FCF1: variants seen among roughly 807,000 people sequenced by gnomAD.
FCF1 encodes FCF1 rRNA-processing protein, also known as rRNA-processing protein FCF1 homolog.
Under a neutral mutation model 32.5 loss-of-function variants are expected in FCF1, and 17 were observed. That is an observed-to-expected ratio of 0.52 (90% CI 0.36 to 0.78). The LOEUF (loss-of-function observed/expected upper bound fraction) is 0.78. Among genes scored for constraint, FCF1 ranks in the 30% least tolerant of loss-of-function variants. The pLI is 0.00. For missense variants in FCF1, 201 were observed against 241.1 expected (o/e 0.83, Z 1.10); for synonymous variants, 84 against 78.4 (o/e 1.07, Z -0.38).
chr14:74,716,111 A>C lies in FCF1; in HGVS notation c.292+12A>C. ...TCTGTATGCCAAGTGTGAGTATCAT[A>C]CTTTTATGTTTCCGTGACATTTGTT... On this transcript the variant is annotated intron_variant, in intron 4 of 7. Transcript: ENST00000341162. The C allele has an allele frequency of 6.2e-7, 1 of 1,610,884 alleles. No homozygotes were observed. The highest frequency in any genetic ancestry group is 8.5e-7 in the Non-Finnish European group (1 of 1,177,254).
intron 4 of FCF1, among the ~76,000 whole-genome samples, chr14:74,716,427 ATTC>A (rs1219394042): frequency 1.3e-5 from 2 of 152,212 alleles, no homozygotes; most frequent in Admixed American, 6.5e-5. Context: ...CAGTATCTAT[ATTC>A]TTTTATGTTA....
At chr14:74,724,480 C>G (rs764040393) in intron 5 of FCF1, among the ~76,000 whole-genome samples, 2 of 152,160 alleles carry the variant, frequency 1.3e-5, no homozygotes, top group Non-Finnish European at 2.9e-5. Context: ...GAGATGAGGT[C>G]TCACCATGTT....
chr14:74,725,675 C>A (rs923459846), intron 5 of FCF1, among the ~76,000 whole-genome samples: 1 of 152,012 alleles, frequency 6.6e-6, no homozygotes, highest in African/African-American at 2.4e-5. Flanking sequence ...TGGCTCACGC[C>A]TGTAATCCCA....
chr14:74,728,193 G>A (rs550690996), intron 5 of FCF1, among the ~76,000 whole-genome samples: 118 of 152,230 alleles, frequency 7.8e-4, no homozygotes, highest in African/African-American at 2.6e-3. Context: ...ATTACCTTGG[G>A]CAGTATGGCC....
Position 74,732,833 on chromosome 14 carries a change from T to A in FCF1, c.453+15T>A. The A allele has an allele frequency of 3.4e-6, 5 of 1,489,558 alleles. No homozygotes were observed. The highest frequency in any genetic ancestry group is 4.6e-6 in the Non-Finnish European group (5 of 1,079,554). The allele number at this position is 1,489,558 out of a possible 1,614,324, so 92.3% of individuals were successfully genotyped here. A position where few individuals can be genotyped will look rare whatever the true frequency, so the allele number is the denominator to read the frequency against. On this transcript the variant is annotated intron_variant, in intron 6 of 7. Transcript: ENST00000341162. Reference sequence around the variant, plus strand: ...GAGTAACTCAGGTATTATCAGTTCATAACTGTTTACTTTGTGCTTAAAAAA... The same window carrying A: ...GAGTAACTCAGGTATTATCAGTTCAAAACTGTTTACTTTGTGCTTAAAAAA...
chr14:74,731,162 AGAAT>A (rs1223378502), intron 5 of FCF1, among the ~76,000 whole-genome samples: 15 of 152,352 alleles, frequency 9.8e-5, no homozygotes, highest in African/African-American at 3.1e-4. Context: ...ATAAAAATAA[AGAAT>A]GAGAGGGGAA....
At position 74,714,937 on chromosome 14, in the gene FCF1, G is replaced by A. The variant is rs1375251590; in HGVS notation, c.137G>A (p.Arg46Lys). 1.3e-6 allele frequency: 2 copies of A among 1,595,386 alleles called. No homozygotes were observed. The highest frequency in any genetic ancestry group is 2.7e-5 in the African/African-American group (2 of 73,876). The change falls in exon 3 of 8, where the codon AGA becomes AAA. Residue 46 changes from arginine (R) to lysine (K), a missense_variant. Arg to Lys is a conservative substitution (Grantham distance 26). Transcript: ENST00000341162. ...EKKDPSALKE[R>K]EVPQHPSCLF... is the part of the protein sequence containing the mutation. Reference sequence around the variant, plus strand: ...AAGGATCCCAGCGCATTAAAGGAAAGAGAAGTGTGAGTAATCAAACGTTTG... The same window carrying A: ...AAGGATCCCAGCGCATTAAAGGAAAAAGAAGTGTGAGTAATCAAACGTTTG...
rs367728211 is a variant in FCF1, at chr14:74,714,954, A to G, written c.143+11A>G. On this transcript the variant is annotated intron_variant, in intron 3 of 7. Coordinates refer to ENST00000341162, the MANE Select transcript of FCF1 (RefSeq NM_015962.5). The stretch of plus-strand genomic sequence containing the variant: ...AAAGGAAAGAGAAGTGTGAGTAATC[A>G]AACGTTTGAAGTTTTCCTTTAAAAC... 2.5e-6 allele frequency: 4 copies of G among 1,581,222 alleles called. No homozygotes were observed. In the African/African-American group the frequency reaches 5.5e-5, roughly 22 times the overall value.
intron 3 of FCF1, 127 bp from the exon 4 acceptor site, chr14:74,715,824 T>G (rs1368853697): frequency 6.3e-7 from 1 of 1,598,910 alleles, no homozygotes; most frequent in Non-Finnish European, 8.5e-7. Flanking sequence ...TTTTTAGGAT[T>G]TATTTCCAAT....
intron 5 of FCF1, among the ~76,000 whole-genome samples, chr14:74,731,265 G>A (rs1213566518): frequency 6.6e-6 from 1 of 152,158 alleles, no homozygotes; most frequent in African/African-American, 2.4e-5. Context: ...TAGGTAAAAA[G>A]ATTTTTTTGT....
chr14:74,734,843 C>G (rs756854095), intron 7 of FCF1, 39 bp from the exon 8 acceptor site: 1 of 1,583,222 alleles, frequency 6.3e-7, no homozygotes, highest in South Asian at 1.1e-5. Flanking sequence ...GGTTCTCTTC[C>G]CATCTTTCTT....
Position 74,731,317 on chromosome 14 carries a change from A to G in FCF1, c.366-1414A>G, listed in dbSNP as rs547992734. 2.4e-4 allele frequency among the ~76,000 whole-genome samples: 36 copies of G among 152,294 alleles called. No homozygotes were observed. In the South Asian group the frequency reaches 7.3e-3, roughly 31 times the overall value. The stretch of plus-strand genomic sequence containing the variant: ...TATGACAGCATGTTAGTATGTTTCT[A>G]GGAAAGAGCTAGTAGAGAGGAGACA... On this transcript the variant is annotated intron_variant, in intron 5 of 7. Transcript: ENST00000341162.
At chr14:74,733,881 A>C (rs547702720) in intron 6 of FCF1, among the ~76,000 whole-genome samples, 195 bp from the exon 7 acceptor site, 10 of 152,256 alleles carry the variant, frequency 6.6e-5, no homozygotes, top group Admixed American at 3.9e-4. Context: ...AGCCCAGGCA[A>C]CTTGTTTATT....
rs564176889 is a variant in FCF1 at position 74,734,761 on chromosome 14, G to A, written c.549-121G>A. 12 of 747,320 alleles carry A rather than the reference G, an allele frequency of 1.6e-5. No individual in the cohort carries two copies. The African/African-American group carries it at 1.8e-4, about 11-fold the overall frequency. 46.3% of individuals were successfully genotyped at this position (747,320 alleles called of 1,614,324 possible). ...ATTCATTATGATGTTCCCCTAAATT[G>A]TTTCCACTGACAAAAAGGATTCACA... is the stretch of plus-strand genomic sequence containing the variant. On this transcript the variant is annotated intron_variant, in intron 7 of 7. Coordinates refer to ENST00000341162, the MANE Select transcript of FCF1 (RefSeq NM_015962.5).
intron 4 of FCF1, among the ~76,000 whole-genome samples, chr14:74,719,143 A>G (rs536616619): frequency 1.3e-5 from 2 of 150,748 alleles, no homozygotes; most frequent in East Asian, 3.9e-4. Context: ...AAAAAAAAAA[A>G]AAAAAAAAAG....
intron 5 of FCF1, among the ~76,000 whole-genome samples, chr14:74,728,618 G>A (rs1338232737): frequency 6.6e-6 from 1 of 151,834 alleles, no homozygotes; most frequent in African/African-American, 2.4e-5. Context: ...AATTGCCCTG[G>A]CCAGAACTTC....
Position 74,735,107 on chromosome 14 carries a change from GA to G in FCF1, c.*179del, listed in dbSNP as rs1287374062. 1 of 440,370 alleles carries G rather than the reference GA, an allele frequency of 2.3e-6. No individual in the cohort carries two copies. 27.3% of individuals were successfully genotyped at this position (440,370 alleles called of 1,614,324 possible). ...ATTAACATCCAAAGGACTGAACCCTGAACAGAGTTAAGTTACCTTTTAAGCA... is the reference window on the plus strand; with the variant it reads ...ATTAACATCCAAAGGACTGAACCCTGACAGAGTTAAGTTACCTTTTAAGCA... On this transcript the variant is annotated 3_prime_UTR_variant, in exon 8 of 8. Transcript: ENST00000341162.
intron 5 of FCF1, among the ~76,000 whole-genome samples, chr14:74,724,904 C>CA (rs766517713): frequency 8.7e-4 from 120 of 137,496 alleles, no homozygotes; most frequent in African/African-American, 2.7e-3. Context: ...GACTCTGTCT[C>CA]AAAAAAAAAA....
chr14:74,727,948 G>A (rs551511381), intron 5 of FCF1, among the ~76,000 whole-genome samples: 97 of 152,216 alleles, frequency 6.4e-4, no homozygotes, highest in African/African-American at 2.0e-3. Context: ...GCTCTGTTCC[G>A]TTTCATTGAT....
Sources: gnomAD v4.1 joint callset for allele counts (sites outside exome capture counted in the v4.1 genomes callset) on GRCh38, gnomAD v4.1.1 for gene constraint, MANE v1.5 for transcripts, NCBI Gene and HGNC (gene_info 2026-07-23, HGNC 2026-07-21) for gene names.